ADAMTS17: variants seen among roughly 807,000 people sequenced by gnomAD.
ADAMTS17 encodes A disintegrin and metalloproteinase with thrombospondin motifs 17.
In ADAMTS17, 113 loss-of-function variants were observed where a neutral mutation model predicts 141.5. The observed-to-expected ratio is 0.80, with a 90% CI of 0.69 to 0.93. The LOEUF is 0.93. ADAMTS17 is among the 40% of genes least tolerant of loss of function. The probability of loss-of-function intolerance (pLI) is 0.00; values close to 1 mark genes in which losing one functional copy is unlikely to be tolerated. For missense variants in ADAMTS17, 1,659 were observed against 1,517.9 expected, an observed-to-expected ratio of 1.09 and a Z score of -1.54; for synonymous variants, 768 against 630.6, an observed-to-expected ratio of 1.22 and a Z score of -3.27.
chr15:100,055,732 C>T (rs2032511174), intron 15 of ADAMTS17, among the ~76,000 whole-genome samples: 1 of 152,204 alleles, frequency 6.6e-6, no homozygotes, highest in African/African-American at 2.4e-5. Context: ...CCCACAGTTT[C>T]CTCTCCTTTT....
rs1163790756 is a variant in ADAMTS17, at chr15:100,315,985, A to G, written c.616+14904T>C. On this transcript the variant is annotated intron_variant, in intron 3 of 21. Transcript: ENST00000268070. ...TTGAACACTCCCGAGGAAATCTCCA[A>G]GCTGCTTTGTGGAATGACTCTATTT... 2.0e-5 allele frequency among the ~76,000 whole-genome samples: 3 copies of G among 152,254 alleles called. No individual in the cohort carries two copies. In the East Asian group the frequency reaches 5.8e-4, roughly 29 times the overall value.
chr15:100,037,241 C>T (rs960255961), intron 18 of ADAMTS17, among the ~76,000 whole-genome samples: 3 of 152,252 alleles, frequency 2.0e-5, no homozygotes, highest in African/African-American at 4.8e-5. Context: ...TTTTCGATCA[C>T]AGCCACACTA....
intron 3 of ADAMTS17, among the ~76,000 whole-genome samples, chr15:100,312,484 C>T (rs1038159232): frequency 1.3e-5 from 2 of 152,154 alleles, no homozygotes; most frequent in South Asian, 2.1e-4. Context: ...CCTCCAGAGC[C>T]GTAAGATAAT....
intron 20 of ADAMTS17, among the ~76,000 whole-genome samples, chr15:99,985,848 A>G (rs2727219): frequency 0.11 from 16,456 of 152,220 alleles, 2,755 homozygotes; most frequent in African/African-American, 0.36. Context: ...ACGGGCCAAT[A>G]TCACTGATCC....
rs1183167253 is a variant in ADAMTS17, at chr15:99,971,514, G to A, written c.*2888C>T. The A allele has an allele frequency of 2.0e-5, 3 of 152,298 alleles. No homozygotes were observed. The highest frequency in any genetic ancestry group is 2.9e-5 in the Non-Finnish European group (2 of 68,026). 9.4% of individuals were successfully genotyped at this position (152,298 alleles called of 1,614,324 possible). On this transcript the variant is annotated 3_prime_UTR_variant, in exon 22 of 22. Transcript: ENST00000268070. ...ATTAATTTTTCTATATAATTTTCAT[G>A]TATAATGGCGTCCAATGTTTGTCTT...
intron 15 of ADAMTS17, among the ~76,000 whole-genome samples, chr15:100,078,155 ATGTAAC>A (rs2034503909): frequency 1.3e-5 from 2 of 152,194 alleles, no homozygotes; most frequent in Non-Finnish European, 1.5e-5. Context: ...ATTGTAAAAA[ATGTAAC>A]TGCTTCACAA....
At chr15:100,010,436 C>A (rs1596221608) in intron 18 of ADAMTS17, among the ~76,000 whole-genome samples, 1 of 152,334 alleles carries the variant, frequency 6.6e-6, no homozygotes, top group South Asian at 2.1e-4. Flanking sequence ...AGAAAGCAAG[C>A]ACTCTGTTCT....
intron 7 of ADAMTS17, among the ~76,000 whole-genome samples, chr15:100,225,388 C>T (rs754783957): frequency 6.6e-6 from 1 of 152,258 alleles, no homozygotes; most frequent in African/African-American, 2.4e-5. Context: ...GGGAGCTTCC[C>T]CGATGGTTCA....
chr15:100,208,760 G>A (rs2041677615), intron 7 of ADAMTS17, among the ~76,000 whole-genome samples: 1 of 5,076 alleles, frequency 2.0e-4, no homozygotes, highest in Non-Finnish European at 0.012. Context: ...GAAATAGAAG[G>A]AGAAGAGGCC....
chr15:100,164,999 T>C (rs1435912313), intron 8 of ADAMTS17, among the ~76,000 whole-genome samples: 2 of 152,226 alleles, frequency 1.3e-5, no homozygotes, highest in African/African-American at 2.4e-5. Flanking sequence ...CCCATTCTTT[T>C]TGGCTCCCAA....
At chr15:100,311,081 C>T (rs74039260) in intron 3 of ADAMTS17, among the ~76,000 whole-genome samples, 14,177 of 152,230 alleles carry the variant, frequency 0.093, 730 homozygotes, top group South Asian at 0.11. Context: ...AAATGTAACC[C>T]GAAAGCCATT....
At chr15:100,124,817 G>A (rs1485360450) in intron 12 of ADAMTS17, among the ~76,000 whole-genome samples, 3 of 152,154 alleles carry the variant, frequency 2.0e-5, no homozygotes, top group Non-Finnish European at 2.9e-5. Context: ...TTTCCCAAGC[G>A]CCTGCAGAAC....
intron 7 of ADAMTS17, among the ~76,000 whole-genome samples, chr15:100,247,853 C>T (rs558492732): frequency 4.4e-4 from 67 of 151,932 alleles, no homozygotes; most frequent in Non-Finnish European, 8.1e-4. Context: ...TGCTTTGTTC[C>T]CAAACACCAC....
intron 19 of ADAMTS17, among the ~76,000 whole-genome samples, chr15:99,995,650 G>C (rs1225598002): frequency 6.6e-6 from 1 of 152,178 alleles, no homozygotes; most frequent in Admixed American, 6.5e-5. Context: ...ACAGCTGGTT[G>C]GATAAAAGCG....
chr15:100,318,975 C>T (rs1239072400), intron 3 of ADAMTS17, among the ~76,000 whole-genome samples: 1 of 152,268 alleles, frequency 6.6e-6, no homozygotes, highest in Non-Finnish European at 1.5e-5. Context: ...ATCCCCAAGC[C>T]TGTGCTACAC....
intron 18 of ADAMTS17, among the ~76,000 whole-genome samples, chr15:100,019,339 A>G (rs2061355368): frequency 6.6e-6 from 1 of 152,228 alleles, no homozygotes; most frequent in Non-Finnish European, 1.5e-5. Context: ...AGGACTTCCA[A>G]CGTATCTGTA....
intron 15 of ADAMTS17, among the ~76,000 whole-genome samples, chr15:100,075,967 ATC>A (rs1168829233): frequency 2.0e-5 from 3 of 151,900 alleles, no homozygotes; most frequent in Admixed American, 1.3e-4. Flanking sequence ...GTCACGTTTC[ATC>A]TCTCTTTCTT....
chr15:100,027,820 T>A (rs1376423503), intron 18 of ADAMTS17, among the ~76,000 whole-genome samples: 1 of 152,200 alleles, frequency 6.6e-6, no homozygotes, highest in Non-Finnish European at 1.5e-5. Flanking sequence ...CTTGGTCTGA[T>A]CTGTGAGGAC....
At position 100,096,483 on chromosome 15, in the gene ADAMTS17, A is replaced by G; in HGVS notation, c.2017-7T>C. On this transcript the variant is annotated splice_region_variant and splice_polypyrimidine_tract_variant and intron_variant, in intron 14 of 21. Transcript: ENST00000268070. The stretch of plus-strand genomic sequence containing the variant: ...TGCCGTCACAGCCGATTTTCTAAAG[A>G]ACCAGAGGGCCTCATTATTCTGTGG... 2 of 1,614,080 alleles carry G rather than the reference A, an allele frequency of 1.2e-6. No homozygotes were observed. Among genetic ancestry groups the G allele is most frequent in the Non-Finnish European group, 1.7e-6 (2 of 1,180,010 alleles).
Sources: gnomAD v4.1 joint callset for allele counts (sites outside exome capture counted in the v4.1 genomes callset) on GRCh38, gnomAD v4.1.1 for gene constraint, MANE v1.5 for transcripts, NCBI Gene and HGNC (gene_info 2026-07-23, HGNC 2026-07-21) for gene names.